GNG7: variants seen among roughly 807,000 people sequenced by gnomAD.
GNG7 encodes guanine nucleotide-binding protein G(I)/G(S)/G(O) subunit gamma-7.
A neutral mutation model predicts 4.0 loss-of-function variants in GNG7; 1 was observed. That is an observed-to-expected ratio of 0.25 (90% CI 0.09 to 1.18). The LOEUF is 1.18. Among genes scored for constraint, GNG7 ranks in the 50% most tolerant of loss-of-function variants. GNG7 has a pLI of 0.50. For missense variants in GNG7, 86 were observed against 91.9 expected (o/e 0.94, Z 0.26); for synonymous variants, 34 against 36.9 (o/e 0.92, Z 0.29).
intron 1 of GNG7, among the ~76,000 whole-genome samples, chr19:2,650,408 T>C (rs1413696878): frequency 3.3e-5 from 5 of 152,030 alleles, no homozygotes; most frequent in Non-Finnish European, 7.4e-5. Flanking sequence ...AGGCTGGTCT[T>C]GAACTCCTGA....
In GNG7 at chr19:2,605,747, C is replaced by CAG. The variant is rs555692029; in HGVS notation, c.-78+40476_-78+40477insCT. Among the ~76,000 whole-genome samples, 156 of 148,262 alleles carry CAG rather than the reference C, an allele frequency of 1.1e-3. 1 individual carries two copies. The South Asian group carries it at 0.014, about 13-fold the overall frequency. On this transcript the variant is annotated intron_variant, in intron 2 of 4. Coordinates refer to ENST00000382159, the MANE Select transcript of GNG7 (RefSeq NM_052847.3). ...CAGCATGGTCTCGATCTCCTGACCT[C>CAG]GTGATCTGCCCGCCTTGGCCTCCCA...
rs1390885045 is a variant in GNG7 at position 2,617,574 on chromosome 19, G to A, written c.-78+28650C>T. The stretch of plus-strand genomic sequence containing the variant: ...GACCTCCGCTTCCAGGGAGCCCTCC[G>A]GAATGTCCTTCCTCCTGCCTTCAAT... On this transcript the variant is annotated intron_variant, in intron 2 of 4. Coordinates refer to ENST00000382159, the MANE Select transcript of GNG7 (RefSeq NM_052847.3). This position sits in a 1 kb window ranked among gnomAD's most constrained non-coding sequence, Gnocchi z 4.7. 6.6e-6 allele frequency among the ~76,000 whole-genome samples: 1 copy of A among 152,078 alleles called. No individual in the cohort carries two copies. The highest frequency in any genetic ancestry group is 1.5e-5 in the Non-Finnish European group (1 of 68,012).
Position 2,576,971 on chromosome 19 carries a change from T to C in GNG7, c.-77-21783A>G, listed in dbSNP as rs547641612. Among the ~76,000 whole-genome samples, 6 of 152,340 alleles carry C rather than the reference T, an allele frequency of 3.9e-5. No homozygotes were observed. The South Asian group carries it at 1.0e-3, about 26-fold the overall frequency. On this transcript the variant is annotated intron_variant, in intron 2 of 4. Coordinates refer to ENST00000382159, the MANE Select transcript of GNG7 (RefSeq NM_052847.3). ...AGTGCCGGGATTACAGGCGTGGGCC[T>C]CTGTGCCCGGCCTGAATTTGCTCTT...
chr19:2,549,232 A>T (rs1229048918), intron 3 of GNG7, among the ~76,000 whole-genome samples: 1 of 152,028 alleles, frequency 6.6e-6, no homozygotes, highest in African/African-American at 2.4e-5. Flanking sequence ...TTTTGGCAAA[A>T]ATGGCAGCCG....
chr19:2,609,646 C>G lies in GNG7; in HGVS notation c.-78+36578G>C, dbSNP rs532292014. On this transcript the variant is annotated intron_variant, in intron 2 of 4. Coordinates refer to ENST00000382159, the MANE Select transcript of GNG7 (RefSeq NM_052847.3). The surrounding 1 kb of genome is among the most constrained non-coding windows in gnomAD (Gnocchi z 4.4). ...TCCCACCTGTTACCGTCTTGGACTT[C>G]CAGCCTCCAGAACCAAGAGAGAGAA... Among the ~76,000 whole-genome samples the G allele has an allele frequency of 6.6e-6, 1 of 152,276 alleles. No individual in the cohort carries two copies. The highest frequency in any genetic ancestry group is 1.5e-5 in the Non-Finnish European group (1 of 68,030).
intron 1 of GNG7, among the ~76,000 whole-genome samples, chr19:2,649,217 G>A (rs1376783786): frequency 6.6e-6 from 1 of 152,010 alleles, no homozygotes; most frequent in African/African-American, 2.4e-5. Context: ...TGGGATTACA[G>A]GTGTAGCCAT....
intron 3 of GNG7, among the ~76,000 whole-genome samples, chr19:2,536,950 T>A (rs191324759): frequency 0.016 from 2,332 of 148,090 alleles, 36 homozygotes; most frequent in Admixed American, 0.029. Flanking sequence ...ATTTTTATTT[T>A]TATTTTTTTT....
intron 2 of GNG7, among the ~76,000 whole-genome samples, chr19:2,574,233 G>A (rs1182441720): frequency 1.3e-5 from 2 of 152,344 alleles, no homozygotes; most frequent in African/African-American, 2.4e-5. Flanking sequence ...CTCATATGAC[G>A]CTGGAGCCGG....
intron 2 of GNG7, among the ~76,000 whole-genome samples, chr19:2,603,863 T>C (rs952847455): frequency 3.3e-5 from 5 of 151,714 alleles, no homozygotes; most frequent in Non-Finnish European, 7.4e-5. Flanking sequence ...TATTATTTTA[T>C]TTTTTGAGAC....
At chr19:2,668,598 C>G (rs1044200304) in intron 1 of GNG7, among the ~76,000 whole-genome samples, 2 of 152,126 alleles carry the variant, frequency 1.3e-5, no homozygotes, top group African/African-American at 4.8e-5. Context: ...CCAAGGCTGT[C>G]GGCATCCAGG....
intron 1 of GNG7, among the ~76,000 whole-genome samples, chr19:2,698,133 G>C (rs1181655341): frequency 1.3e-5 from 2 of 151,394 alleles, no homozygotes; most frequent in East Asian, 3.9e-4. Flanking sequence ...TGGGTGTGGT[G>C]GTGGGTGCCT....
Position 2,684,355 on chromosome 19 carries a change from T to G in GNG7, c.-135+18291A>C, listed in dbSNP as rs570298701. On this transcript the variant is annotated intron_variant, in intron 1 of 4. Transcript: ENST00000382159. ...TTTCACCATGTTGGCCAGGATGGTC[T>G]CGATCTCTTGACCTCGTGATCCGCC... Among the ~76,000 whole-genome samples, 12 of 151,708 alleles carry G rather than the reference T, an allele frequency of 7.9e-5. No individual in the cohort carries two copies. In the South Asian group the frequency reaches 2.5e-3, roughly 32 times the overall value.
chr19:2,672,557 C>T (rs1331799684), intron 1 of GNG7, among the ~76,000 whole-genome samples: 1 of 151,974 alleles, frequency 6.6e-6, no homozygotes, highest in Non-Finnish European at 1.5e-5. Context: ...AGCAATTCTC[C>T]TGCCTCAGCC....
Position 2,587,678 on chromosome 19 carries a change from C to T in GNG7, c.-77-32490G>A, listed in dbSNP as rs146385736. Among the ~76,000 whole-genome samples, 494 of 152,162 alleles carry T rather than the reference C, an allele frequency of 3.2e-3. 9 individuals are homozygous for T. The highest frequency in any genetic ancestry group is 3.2e-3 in the Non-Finnish European group (218 of 67,990). On this transcript the variant is annotated intron_variant, in intron 2 of 4. Transcript: ENST00000382159. The stretch of plus-strand genomic sequence containing the variant: ...GCTGTAACTCGAGGCAGCATCACAC[C>T]GACCGTGGAAGCATGGAAGGGAGGG...
chr19:2,663,662 C>T (rs1983234450), intron 1 of GNG7, among the ~76,000 whole-genome samples: 1 of 152,068 alleles, frequency 6.6e-6, no homozygotes, highest in African/African-American at 2.4e-5. Flanking sequence ...GATGCAAAAG[C>T]CCAGATGGAT....
intron 1 of GNG7, among the ~76,000 whole-genome samples, chr19:2,694,504 CT>C (rs777726783): frequency 2.6e-5 from 4 of 151,490 alleles, no homozygotes; most frequent in Non-Finnish European, 5.9e-5. Flanking sequence ...CCGGTCCCCC[CT>C]ATCTGCAGTA....
At chr19:2,673,294 AAAAC>A (rs1208845018) in intron 1 of GNG7, among the ~76,000 whole-genome samples, 62 of 151,096 alleles carry the variant, frequency 4.1e-4, no homozygotes, top group African/African-American at 1.4e-3. Context: ...AAAACAAAAA[AAAAC>A]CCAGCAGGTC....
chr19:2,696,288 G>GAA (rs1555705031), intron 1 of GNG7, among the ~76,000 whole-genome samples: 1 of 104,454 alleles, frequency 9.6e-6, no homozygotes, highest in African/African-American at 3.7e-5. Context: ...GAAAAAGAGA[G>GAA]AGAGAGAAAG....
At chr19:2,558,188 C>T (rs1255995131) in intron 2 of GNG7, among the ~76,000 whole-genome samples, 1 of 151,802 alleles carries the variant, frequency 6.6e-6, no homozygotes, top group Non-Finnish European at 1.5e-5. Flanking sequence ...TTCATGTGCA[C>T]ACTGTATTAT....
Sources: gnomAD v4.1 joint callset for allele counts (sites outside exome capture counted in the v4.1 genomes callset) on GRCh38, gnomAD v4.1.1 for gene constraint, Gnocchi (gnomAD v3.1) non-coding constraint, MANE v1.5 for transcripts, NCBI Gene and HGNC (gene_info 2026-07-23, HGNC 2026-07-21) for gene names.